Variants in ZNF217 observed in about 807,000 individuals in gnomAD.
ZNF217 encodes the protein zinc finger protein 217.
ZNF217 carries 12 observed loss-of-function variants against 73.3 expected under a neutral mutation model. That is an observed-to-expected ratio of 0.16 (90% CI 0.10 to 0.27). The LOEUF is 0.27. ZNF217 is among the 10% of genes least tolerant of loss of function. The pLI is 1.00. For missense variants in ZNF217, 1,195 were observed against 1,327.8 expected (o/e 0.90, Z 1.55); for synonymous variants, 588 against 516.4 (o/e 1.14, Z -1.88).
Position 53,568,496 on chromosome 20 carries a change from T to C in ZNF217, c.*792A>G, listed in dbSNP as rs972989812. 9.9e-5 allele frequency: 15 copies of C among 152,192 alleles called. No homozygotes were observed. The highest frequency in any genetic ancestry group is 9.8e-4 in the Admixed American group (15 of 15,272). 9.4% of individuals were successfully genotyped at this position (152,192 alleles called of 1,614,324 possible). A position where few individuals can be genotyped will look rare whatever the true frequency, so the allele number is the denominator to read the frequency against. ...AAAATGCTTGTCTGTAGACACACTC[T>C]CTTAAAAATCCTACAAGCCATCCCA... On this transcript the variant is annotated 3_prime_UTR_variant, in exon 6 of 6. Transcript: ENST00000371471.
At chr20:53,571,900 GT>G (rs1419231421) in intron 4 of ZNF217, 47 bp from the exon 5 acceptor site, 1 of 1,563,904 alleles carries the variant, frequency 6.4e-7, no homozygotes, top group African/African-American at 1.4e-5. Flanking sequence ...AAACAATTAG[GT>G]AAGATGTGTA....
At chr20:53,587,438 T>C (rs1988735019) in intron 1 of ZNF217, among the ~76,000 whole-genome samples, 1 of 152,210 alleles carries the variant, frequency 6.6e-6, no homozygotes, top group African/African-American at 2.4e-5. Context: ...GGAATATTTT[T>C]CTTTACATCC....
At chr20:53,594,183 G>A (rs1185924907), upstream of ZNF217, among the ~76,000 whole-genome samples, 1 of 151,538 alleles carries the variant, frequency 6.6e-6, no homozygotes, top group Admixed American at 6.6e-5. Context: ...ACTCGTCCGC[G>A]CGGGGACAGT....
rs779976099 is a variant in ZNF217, at chr20:53,581,659, G to A, written c.1168C>T (p.Leu390=). 1.9e-6 allele frequency: 3 copies of A among 1,614,124 alleles called. No homozygotes were observed. Among genetic ancestry groups the A allele is most frequent in the South Asian group, 1.1e-5 (1 of 91,088 alleles). The part of the protein sequence containing the change: ...CGKAFRTYHQ[L]VLHSRVHKKD... ...TTGTGGACCCTGGAGTGCAAGACCA[G>A]CTGGTGGTAGGTTCTGAAAGCTTTG... The change falls in exon 2 of 6, where the codon CTG becomes TTG. Residue 390 remains leucine, a synonymous_variant. Coordinates refer to ENST00000371471, the MANE Select transcript of ZNF217 (RefSeq NM_006526.3). The surrounding 1 kb of genome is among the most constrained non-coding windows in gnomAD (Gnocchi z 4.9).
intron 1 of ZNF217, among the ~76,000 whole-genome samples, chr20:53,586,423 C>T (rs1158091280): frequency 2.0e-5 from 3 of 151,942 alleles, no homozygotes; most frequent in African/African-American, 2.4e-5. Context: ...TAAAAAAAAT[C>T]GTATTTAATC....
chr20:53,596,251 AAG>A (rs1277932434), upstream of ZNF217, among the ~76,000 whole-genome samples: 5 of 151,970 alleles, frequency 3.3e-5, no homozygotes, highest in East Asian at 5.8e-4. Context: ...AAAAAAAAAA[AAG>A]AGAGCGCCTT....
chr20:53,595,904 TGA>T (rs1989033517), upstream of ZNF217, among the ~76,000 whole-genome samples: 1 of 152,236 alleles, frequency 6.6e-6, no homozygotes, highest in Non-Finnish European at 1.5e-5. Context: ...AGGTTGAGCC[TGA>T]AGTGTAACCT....
At chr20:53,584,381 C>T (rs1988615623) in intron 1 of ZNF217, among the ~76,000 whole-genome samples, 1 of 152,244 alleles carries the variant, frequency 6.6e-6, no homozygotes, top group Admixed American at 6.5e-5. Context: ...GGAAACATCT[C>T]CTCCTTTACA....
intron 1 of ZNF217, among the ~76,000 whole-genome samples, chr20:53,593,437 C>A (rs1988953589): frequency 6.6e-6 from 1 of 151,700 alleles, no homozygotes; most frequent in African/African-American, 2.4e-5. Context: ...CCCCACCGCC[C>A]ACCCCCGCAG....
At chr20:53,592,474 T>C (rs946203024) in intron 1 of ZNF217, among the ~76,000 whole-genome samples, 2 of 151,984 alleles carry the variant, frequency 1.3e-5, no homozygotes, top group African/African-American at 4.8e-5. Flanking sequence ...TTCTAGCTCC[T>C]GTAACTAAAC....
Position 53,582,199 on chromosome 20 carries a change from T to C in ZNF217, c.628A>G (p.Ser210Gly). ...NEVVQVHAAESISSPYKICMV... is the reference protein window; with the variant it reads ...NEVVQVHAAEGISSPYKICMV... ...CAGATTTTGTAAGGAGAGGAGATGC[T>C]CTCGGCCGCGTGCACCTGGACGACC... Residue 210 changes from serine to glycine, a missense_variant, in exon 2 of 6, where the codon AGC (serine) becomes GGC (glycine). By Grantham distance (56) the Ser-to-Gly change is moderately conservative. Transcript: ENST00000371471. The surrounding 1 kb of genome is among the most constrained non-coding windows in gnomAD (Gnocchi z 4.8). 1.2e-6 allele frequency: 2 copies of C among 1,614,096 alleles called. No individual in the cohort carries two copies. Among genetic ancestry groups the C allele is most frequent in the Non-Finnish European group, 8.5e-7 (1 of 1,180,052 alleles).
At position 53,582,922 on chromosome 20, in the gene ZNF217, A is replaced by T; in HGVS notation, c.-96T>A. On this transcript the variant is annotated 5_prime_UTR_variant, in exon 2 of 6. Coordinates refer to ENST00000371471, the MANE Select transcript of ZNF217 (RefSeq NM_006526.3). This position sits in a 1 kb window ranked among gnomAD's most constrained non-coding sequence, Gnocchi z 4.8. ...CCTCTAACAGCCCTGGGTTCCAAAA[A>T]CCAGAGCAAATATTTATTATAAAAG... 1 of 1,286,522 alleles carries T rather than the reference A, an allele frequency of 7.8e-7. No individual in the cohort carries two copies. Among genetic ancestry groups the T allele is most frequent in the Non-Finnish European group, 1.1e-6 (1 of 928,890 alleles). The allele number at this position is 1,286,522 out of a possible 1,614,324, so 79.7% of individuals were successfully genotyped here. A position where few individuals can be genotyped will look rare whatever the true frequency, so the allele number is the denominator to read the frequency against.
At chr20:53,592,675 G>A (rs1249044406) in intron 1 of ZNF217, among the ~76,000 whole-genome samples, 1 of 151,704 alleles carries the variant, frequency 6.6e-6, no homozygotes, top group South Asian at 2.1e-4. Context: ...GGGCGGGACC[G>A]CCCAGGCAGC....
intron 1 of ZNF217, among the ~76,000 whole-genome samples, chr20:53,588,251 T>C (rs1341347879): frequency 1.3e-5 from 2 of 152,138 alleles, no homozygotes; most frequent in Non-Finnish European, 2.9e-5. Flanking sequence ...GGGATCTTAG[T>C]AAGAACTTAA....
upstream of ZNF217, chr20:53,593,867 G>GGCGGGGAGGGC (rs1988978016): frequency 6.6e-6 from 1 of 150,964 alleles, no homozygotes; most frequent in African/African-American, 2.4e-5. Flanking sequence ...GAGGGGAGGG[G>GGCGGGGAGGGC]GCGGGGAGGG....
chr20:53,590,799 G>T (rs1282736550), intron 1 of ZNF217, among the ~76,000 whole-genome samples: 1 of 152,094 alleles, frequency 6.6e-6, no homozygotes, highest in Non-Finnish European at 1.5e-5. Context: ...GGAGATAGAA[G>T]GACTTAGTCA....
intron 1 of ZNF217, among the ~76,000 whole-genome samples, chr20:53,592,403 GA>G (rs886978817): frequency 4.0e-5 from 6 of 151,608 alleles, no homozygotes; most frequent in African/African-American, 1.5e-4. Flanking sequence ...GAAAGAAAAA[GA>G]AAAAAAAGTT....
chr20:53,593,679 T>C (rs1988966339), intron 1 of ZNF217, 77 bp downstream of exon 1: 1 of 149,530 alleles, frequency 6.7e-6, no homozygotes, highest in Non-Finnish European at 1.5e-5. Context: ...GCCGGGCGCC[T>C]CGGGGGCGGC....
rs765812399 is a variant in ZNF217, at chr20:53,581,988, C to T, written c.839G>A (p.Gly280Glu). ...AGGGATGCATCTGACAGGCTTCTTC[C>T]CCGTTTCAGGGTGAGATTTTGGTCT... ...NLRPKSHPET[G>E]KKPVRCIPQL... Residue 280 changes from glycine to glutamate, a missense_variant, in exon 2 of 6, where the codon GGG becomes GAG. Physicochemically the swap from Gly to Glu is moderately conservative, Grantham distance 98. Transcript: ENST00000371471. The surrounding 1 kb of genome is among the most constrained non-coding windows in gnomAD (Gnocchi z 4.9). The T allele has an allele frequency of 6.2e-7, 1 of 1,614,198 alleles. No individual in the cohort carries two copies. Among genetic ancestry groups the T allele is most frequent in the Non-Finnish European group, 8.5e-7 (1 of 1,180,034 alleles).
Sources: gnomAD v4.1 joint callset for allele counts (sites outside exome capture counted in the v4.1 genomes callset) on GRCh38, gnomAD v4.1.1 for gene constraint, Gnocchi (gnomAD v3.1) non-coding constraint, MANE v1.5 for transcripts, NCBI Gene and HGNC (gene_info 2026-07-23, HGNC 2026-07-21) for gene names.